DPYD: variants seen among roughly 807,000 people sequenced by gnomAD.
DPYD encodes dihydropyrimidine dehydrogenase [NADP(+)].
Under a neutral mutation model 116.2 loss-of-function variants are expected in DPYD, and 109 were observed. That is an observed-to-expected ratio of 0.94 (90% confidence interval 0.80 to 1.10). The LOEUF is 1.10. DPYD is among the 50% of genes least tolerant of loss of function. The pLI is 0.00. For missense variants in DPYD, 1,302 were observed against 1,254.5 expected (o/e 1.04, Z -0.57); for synonymous variants, 440 against 432.0 (o/e 1.02, Z -0.23).
intron 14 of DPYD, among the ~76,000 whole-genome samples, chr1:97,390,004 T>C (rs2101597661): frequency 6.6e-6 from 1 of 152,198 alleles, no homozygotes; most frequent in South Asian, 2.1e-4. Context: ...TTTTATTAAG[T>C]AGCTTTTAAA....
intron 3 of DPYD, among the ~76,000 whole-genome samples, chr1:97,751,452 G>GTA (rs1557933124): frequency 6.9e-4 from 23 of 33,152 alleles, no homozygotes; most frequent in Admixed American, 1.7e-3. Context: ...GTGTGTGTGT[G>GTA]TGTGTGTGTA....
intron 3 of DPYD, among the ~76,000 whole-genome samples, chr1:97,796,413 T>C (rs370822640): frequency 2.2e-4 from 33 of 152,116 alleles, no homozygotes; most frequent in Non-Finnish European, 4.1e-4. Flanking sequence ...TGAGTCTACA[T>C]TGATCACAAA....
chr1:97,333,065 T>G (rs1409743733), intron 16 of DPYD, among the ~76,000 whole-genome samples: 1 of 151,212 alleles, frequency 6.6e-6, no homozygotes, highest in Non-Finnish European at 1.5e-5. Context: ...TAATTCTTTT[T>G]TTTTTTTTTT....
chr1:97,560,467 A>T (rs1353627354), intron 11 of DPYD, among the ~76,000 whole-genome samples: 1 of 151,994 alleles, frequency 6.6e-6, no homozygotes, highest in Non-Finnish European at 1.5e-5. Flanking sequence ...AAGACATAAG[A>T]CAGTGTACAC....
chr1:97,411,503 C>A (rs968619919), intron 14 of DPYD, among the ~76,000 whole-genome samples: 3 of 151,852 alleles, frequency 2.0e-5, no homozygotes, highest in Non-Finnish European at 4.4e-5. Context: ...CAATGAGCAC[C>A]CCAGTAAACA....
intron 1 of DPYD, among the ~76,000 whole-genome samples, chr1:97,894,654 T>G (rs980937264): frequency 6.6e-6 from 1 of 151,814 alleles, no homozygotes; most frequent in African/African-American, 2.4e-5. Flanking sequence ...TTTAAACAAT[T>G]TAAACAGCAA....
At chr1:97,209,393 C>T (rs1354302565) in intron 19 of DPYD, among the ~76,000 whole-genome samples, 3 of 152,022 alleles carry the variant, frequency 2.0e-5, no homozygotes, top group Non-Finnish European at 4.4e-5. Context: ...ATAGAATTGG[C>T]TTTTTTTAAA....
At chr1:97,284,304 T>C (rs938333427) in intron 18 of DPYD, among the ~76,000 whole-genome samples, 5 of 152,096 alleles carry the variant, frequency 3.3e-5, no homozygotes, top group African/African-American at 1.2e-4. Context: ...TTTTGGTTTA[T>C]GATGTATATT....
At chr1:97,374,101 A>G (rs1671457654) in intron 15 of DPYD, among the ~76,000 whole-genome samples, 1 of 152,202 alleles carries the variant, frequency 6.6e-6, no homozygotes, top group African/African-American at 2.4e-5. Flanking sequence ...CTAATTATGG[A>G]TAACTGATGC....
intron 19 of DPYD, among the ~76,000 whole-genome samples, chr1:97,208,861 T>C (rs1659848475): frequency 6.6e-6 from 1 of 152,102 alleles, no homozygotes; most frequent in African/African-American, 2.4e-5. Flanking sequence ...AGGCCTCCCT[T>C]GTTGGTATAG....
intron 20 of DPYD, among the ~76,000 whole-genome samples, chr1:97,186,175 G>A (rs964694333): frequency 6.6e-6 from 1 of 152,066 alleles, no homozygotes; most frequent in African/African-American, 2.4e-5. Context: ...TAGATAATTA[G>A]ACATCTACAT....
At chr1:97,474,016 T>TG (rs532981579) in intron 13 of DPYD, among the ~76,000 whole-genome samples, 2 of 132,064 alleles carry the variant, frequency 1.5e-5, no homozygotes, top group East Asian at 4.4e-4. Context: ...AAACTGTCTT[T>TG]AAAAAAAAAA....
intron 6 of DPYD, among the ~76,000 whole-genome samples, chr1:97,694,559 A>T (rs931198304): frequency 1.3e-5 from 2 of 152,112 alleles, no homozygotes; most frequent in African/African-American, 4.8e-5. Flanking sequence ...TGGGTAACTC[A>T]TATTTATCAT....
chr1:97,559,042 A>T (rs921470896), intron 11 of DPYD, among the ~76,000 whole-genome samples: 7 of 152,144 alleles, frequency 4.6e-5, no homozygotes, highest in African/African-American at 1.7e-4. Context: ...GAAGGAATAG[A>T]TCATCCTTTA....
At chr1:97,790,396 A>T (rs1667255974) in intron 3 of DPYD, among the ~76,000 whole-genome samples, 2 of 152,140 alleles carry the variant, frequency 1.3e-5, no homozygotes, top group Admixed American at 1.3e-4. Context: ...GAAAAGGATG[A>T]TACAAAGCCC....
At chr1:97,388,230 A>C (rs1291837357) in intron 14 of DPYD, among the ~76,000 whole-genome samples, 1 of 152,078 alleles carries the variant, frequency 6.6e-6, no homozygotes, top group Non-Finnish European at 1.5e-5. Flanking sequence ...CTAATGAAGA[A>C]AGTATTGAAG....
At chr1:97,585,333 G>T (rs193269824) in intron 10 of DPYD, among the ~76,000 whole-genome samples, 285 of 152,308 alleles carry the variant, frequency 1.9e-3, no homozygotes, top group Non-Finnish European at 3.2e-3. Flanking sequence ...GGGAACTAAG[G>T]AAGCCTTCAA....
chr1:97,440,795 G>C (rs992172575), intron 14 of DPYD, among the ~76,000 whole-genome samples: 4 of 152,044 alleles, frequency 2.6e-5, no homozygotes, highest in African/African-American at 9.7e-5. Context: ...TTACAATTCT[G>C]GTGGTCTTTA....
chr1:97,528,395 A>T (rs936621982), intron 12 of DPYD, among the ~76,000 whole-genome samples: 1 of 152,158 alleles, frequency 6.6e-6, no homozygotes, highest in East Asian at 1.9e-4. Context: ...CTATACTTGT[A>T]ATCTGAGCAT....
Sources: allele counts gnomAD v4.1 joint callset (sites outside exome capture counted in the v4.1 genomes callset), GRCh38; gene constraint gnomAD v4.1.1; transcripts MANE v1.5; gene names NCBI Gene and HGNC (gene_info 2026-07-23, HGNC 2026-07-21).